Variants in SLC38A9 observed in about 807,000 individuals in gnomAD.
The protein encoded by SLC38A9 is neutral amino acid transporter 9.
Under a neutral mutation model 62.3 loss-of-function variants are expected in SLC38A9, and 48 were observed. The observed-to-expected ratio is 0.77, with a 90% CI of 0.61 to 0.98. The LOEUF (loss-of-function observed/expected upper bound fraction) is 0.98, where lower values mean the gene tolerates loss of function less well. SLC38A9 is among the 50% of genes least tolerant of loss of function. The pLI is 0.00. For missense variants in SLC38A9, 541 were observed against 679.8 expected (o/e 0.80, Z 2.27); for synonymous variants, 204 against 227.7 (o/e 0.90, Z 0.94).
intron 3 of SLC38A9, among the ~76,000 whole-genome samples, chr5:55,695,279 T>C (rs1426859798): frequency 1.3e-5 from 2 of 150,898 alleles, no homozygotes; most frequent in Non-Finnish European, 3.0e-5. Context: ...ATTTCTTTTT[T>C]TTTTTTTATT....
intron 9 of SLC38A9, among the ~76,000 whole-genome samples, chr5:55,653,253 T>C (rs906214370): frequency 6.6e-6 from 1 of 152,108 alleles, no homozygotes; most frequent in Non-Finnish European, 1.5e-5. Flanking sequence ...AGGCGTGAGC[T>C]ACTGCGCCCA....
intron 4 of SLC38A9, 41 bp from the exon 5 acceptor site, chr5:55,669,920 A>G: frequency 6.4e-7 from 1 of 1,558,118 alleles, no homozygotes; most frequent in Non-Finnish European, 8.7e-7. Flanking sequence ...GAACCAGGAA[A>G]TGCAAAATAG....
At chr5:55,699,213 C>A (rs900679617) in intron 2 of SLC38A9, among the ~76,000 whole-genome samples, 2 of 152,168 alleles carry the variant, frequency 1.3e-5, no homozygotes, top group Non-Finnish European at 2.9e-5. Flanking sequence ...CAAGATCGTG[C>A]CACTGCACTC....
intron 3 of SLC38A9, among the ~76,000 whole-genome samples, chr5:55,684,256 C>T (rs543966680): frequency 1.3e-5 from 2 of 152,222 alleles, no homozygotes; most frequent in Admixed American, 1.3e-4. Context: ...TATTGAGTTT[C>T]TTAATTTCCA....
intron 2 of SLC38A9, among the ~76,000 whole-genome samples, chr5:55,700,267 G>A (rs796667903): frequency 9.9e-5 from 15 of 151,770 alleles, no homozygotes; most frequent in African/African-American, 3.4e-4. Flanking sequence ...CTTGAACCAG[G>A]GAGGCAGAGG....
intron 3 of SLC38A9, among the ~76,000 whole-genome samples, chr5:55,677,256 AAAT>A (rs1313024114): frequency 2.0e-5 from 3 of 152,214 alleles, no homozygotes; most frequent in African/African-American, 7.2e-5. Context: ...ATAAAGTATC[AAAT>A]AAAACATTAA....
chr5:55,711,711 T>C (rs963943315), intron 1 of SLC38A9, among the ~76,000 whole-genome samples: 2 of 151,936 alleles, frequency 1.3e-5, no homozygotes, highest in East Asian at 3.9e-4. Flanking sequence ...ATGTTCCCCC[T>C]CTAGATGTCC....
intron 2 of SLC38A9, among the ~76,000 whole-genome samples, chr5:55,710,477 G>A (rs1418046142): frequency 3.3e-5 from 5 of 152,110 alleles, no homozygotes; most frequent in Non-Finnish European, 7.3e-5. Flanking sequence ...CAAAAGTGTT[G>A]GGATTACAGG....
chr5:55,690,837 A>G (rs533828905), intron 3 of SLC38A9, among the ~76,000 whole-genome samples: 1 of 152,336 alleles, frequency 6.6e-6, no homozygotes, highest in South Asian at 2.1e-4. Context: ...CTTAAATCTA[A>G]ATATAAACTT....
At chr5:55,680,513 G>GCT (rs767048244) in intron 3 of SLC38A9, among the ~76,000 whole-genome samples, 10 of 152,212 alleles carry the variant, frequency 6.6e-5, no homozygotes, top group Non-Finnish European at 1.3e-4. Flanking sequence ...TTGTTCTTCA[G>GCT]CTCTTCTGAC....
chr5:55,678,850 G>A (rs1207769061), intron 3 of SLC38A9, among the ~76,000 whole-genome samples: 1 of 151,482 alleles, frequency 6.6e-6, no homozygotes, highest in Admixed American at 6.6e-5. Context: ...TTGTAGAGAT[G>A]AGGTCTTGCT....
In SLC38A9 at chr5:55,647,947, T is replaced by C. The variant is rs185811515; in HGVS notation, c.1060+1260A>G. Among the ~76,000 whole-genome samples, 33 of 152,282 alleles carry C rather than the reference T, an allele frequency of 2.2e-4. No homozygotes were observed. In the East Asian group the frequency reaches 5.8e-3, roughly 27 times the overall value. On this transcript the variant is annotated intron_variant, in intron 11 of 15. Coordinates refer to ENST00000396865, the MANE Select transcript of SLC38A9 (RefSeq NM_173514.4). ...CAAATAATATCCCATTGTACAGATA[T>C]ACCACATTTTGGCCGGGTGTGGTGG...
At chr5:55,665,911 C>G (rs1344798680) in intron 7 of SLC38A9, among the ~76,000 whole-genome samples, 8 of 152,098 alleles carry the variant, frequency 5.3e-5, no homozygotes, top group African/African-American at 1.9e-4. Flanking sequence ...TGCAGTGAAC[C>G]ATGATCCCAC....
chr5:55,698,577 G>A (rs565225791), intron 2 of SLC38A9, among the ~76,000 whole-genome samples: 2 of 152,178 alleles, frequency 1.3e-5, no homozygotes, highest in Non-Finnish European at 2.9e-5. Context: ...TTTGCAATAA[G>A]AGTAAGGTTT....
chr5:55,659,156 T>C (rs1749000529), intron 8 of SLC38A9, among the ~76,000 whole-genome samples: 1 of 151,828 alleles, frequency 6.6e-6, no homozygotes, highest in Non-Finnish European at 1.5e-5. Context: ...TATCCCACAA[T>C]AAACATAATA....
intron 2 of SLC38A9, among the ~76,000 whole-genome samples, chr5:55,707,203 T>C (rs1197114185): frequency 6.6e-6 from 1 of 152,176 alleles, no homozygotes; most frequent in Non-Finnish European, 1.5e-5. Flanking sequence ...AAAGCTTTTT[T>C]GAATGTCTTG....
chr5:55,668,495 G>C (rs11957072), intron 7 of SLC38A9, among the ~76,000 whole-genome samples: 91,014 of 151,968 alleles, frequency 0.6, 27,851 homozygotes, highest in South Asian at 0.7. Flanking sequence ...TGCCTCCTGA[G>C]TTGCTAGGGC....
intron 2 of SLC38A9, among the ~76,000 whole-genome samples, chr5:55,700,364 A>G (rs1344695939): frequency 6.6e-6 from 1 of 151,748 alleles, no homozygotes; most frequent in African/African-American, 2.4e-5. Flanking sequence ...ACAAGCCAAA[A>G]AAAAAAAGAA....
At chr5:55,664,248 C>A (rs541398586) in intron 8 of SLC38A9, among the ~76,000 whole-genome samples, 1 of 152,180 alleles carries the variant, frequency 6.6e-6, no homozygotes, top group Non-Finnish European at 1.5e-5. Flanking sequence ...ATTTAAGTAG[C>A]TGATTTGGGT....
Sources: gnomAD v4.1 joint callset for allele counts (sites outside exome capture counted in the v4.1 genomes callset) on GRCh38, gnomAD v4.1.1 for gene constraint, MANE v1.5 for transcripts, NCBI Gene and HGNC (gene_info 2026-07-23, HGNC 2026-07-21) for gene names.